CACNA1C: variants seen among roughly 807,000 people sequenced by gnomAD.
The protein encoded by CACNA1C is calcium voltage-gated channel subunit alpha1 C.
CACNA1C carries 30 observed loss-of-function variants against 229.0 expected under a neutral mutation model. That is an observed-to-expected ratio of 0.13 (90% CI 0.10 to 0.18). CACNA1C has a LOEUF of 0.18. Ranked by LOEUF, CACNA1C falls within the 10% of genes least tolerant of loss-of-function variation. The pLI is 1.00. For missense variants in CACNA1C, 1,658 were observed against 2,845.0 expected (o/e 0.58, Z 9.49); for synonymous variants, 1,114 against 1,132.5 (o/e 0.98, Z 0.33).
At chr12:2,538,440 TTCTTTTTCTCTTC>T (rs1177722405) in intron 9 of CACNA1C, among the ~76,000 whole-genome samples, 1 of 152,140 alleles carries the variant, frequency 6.6e-6, no homozygotes, top group Non-Finnish European at 1.5e-5. Flanking sequence ...GGAACTGTGT[TTCTTTTTCTCTTC>T]TCTTTTTCTC....
intron 3 of CACNA1C, among the ~76,000 whole-genome samples, chr12:2,234,486 C>T (rs921287942): frequency 5.9e-5 from 9 of 152,246 alleles, no homozygotes; most frequent in South Asian, 4.2e-4. Context: ...AGCATCTGTT[C>T]GTCAGGTGTG....
chr12:2,171,242 C>A (rs965637976), intron 3 of CACNA1C, among the ~76,000 whole-genome samples: 1 of 152,200 alleles, frequency 6.6e-6, no homozygotes, highest in Non-Finnish European at 1.5e-5. Context: ...TCTGATGGAA[C>A]AGGACTTGCC....
intron 9 of CACNA1C, among the ~76,000 whole-genome samples, chr12:2,546,530 C>T (rs1340886161): frequency 1.3e-5 from 2 of 149,352 alleles, no homozygotes; most frequent in Non-Finnish European, 3.0e-5. Context: ...CACACTCTTC[C>T]GTGCAGTAGC....
Position 2,585,449 on chromosome 12 carries a change from G to A in CACNA1C, c.2413G>A (p.Glu805Lys). The change falls in exon 17 of 47, where the codon GAG becomes AAG. Residue 805 changes from glutamate to lysine, a missense_variant. By Grantham distance (56) the Glu-to-Lys change is moderately conservative (BLOSUM62 1). Around this residue, in one of 20 missense-constraint regions of CACNA1C, gnomAD observed 121 missense variants for 128.8 expected, o/e 0.94. Transcript: ENST00000399655. The surrounding 1 kb of genome is among the most constrained non-coding windows in gnomAD (Gnocchi z 4.1). ...AVGESKEEKI[E>K]LKSITADGES... ...GGGGGAATCCAAGGAGGAGAAGATT[G>A]AGCTGAAATCCATCACGGCTGACGG... 1 of 1,598,592 alleles carries A rather than the reference G, an allele frequency of 6.3e-7. No homozygotes were observed. Among genetic ancestry groups the A allele is most frequent in the Non-Finnish European group, 8.5e-7 (1 of 1,172,028 alleles).
At chr12:2,002,672 C>G (rs1190867938) in intron 1 of CACNA1C, among the ~76,000 whole-genome samples, 1 of 152,198 alleles carries the variant, frequency 6.6e-6, no homozygotes, top group East Asian at 1.9e-4. Context: ...ATTCTCCAGA[C>G]TCGAATCCCA....
intron 3 of CACNA1C, among the ~76,000 whole-genome samples, chr12:2,397,412 TC>T (rs1183254985): frequency 6.6e-6 from 1 of 152,198 alleles, no homozygotes; most frequent in Non-Finnish European, 1.5e-5. Flanking sequence ...ACAAAGTCAC[TC>T]CAGGGCAATT....
chr12:2,432,200 G>A (rs1220265342), intron 3 of CACNA1C, among the ~76,000 whole-genome samples: 1 of 152,238 alleles, frequency 6.6e-6, no homozygotes, highest in African/African-American at 2.4e-5. Flanking sequence ...ATGGGTGTCA[G>A]ACAGTTTCAG....
intron 1 of CACNA1C, among the ~76,000 whole-genome samples, chr12:2,109,151 C>G (rs986828325): frequency 7.9e-5 from 12 of 152,316 alleles, no homozygotes; most frequent in African/African-American, 2.9e-4. Flanking sequence ...TCACAGAAGG[C>G]ACCAAGGCCA....
chr12:2,503,774 A>T (rs1022832109), intron 7 of CACNA1C, among the ~76,000 whole-genome samples: 1 of 152,218 alleles, frequency 6.6e-6, no homozygotes, highest in Admixed American at 6.5e-5. Context: ...AGTTACAGTC[A>T]GTTTCCACAT....
intron 1 of CACNA1C, among the ~76,000 whole-genome samples, chr12:2,024,410 C>T (rs1432495249): frequency 1.3e-5 from 2 of 152,210 alleles, no homozygotes; most frequent in Non-Finnish European, 1.5e-5. Context: ...TTATTTCTCT[C>T]TCAAGCAATC....
At chr12:2,211,011 G>T (rs2097903457) in intron 3 of CACNA1C, among the ~76,000 whole-genome samples, 1 of 152,184 alleles carries the variant, frequency 6.6e-6, no homozygotes, top group African/African-American at 2.4e-5. Flanking sequence ...ATGCATTTTA[G>T]CAGAAAGGAA....
intron 3 of CACNA1C, among the ~76,000 whole-genome samples, chr12:2,427,465 G>T (rs898734149): frequency 1.3e-5 from 2 of 151,980 alleles, no homozygotes; most frequent in African/African-American, 4.8e-5. Flanking sequence ...TAGAGCCTGG[G>T]TGTCACTGGA....
At chr12:2,017,660 G>GT (rs35525403) in intron 1 of CACNA1C, among the ~76,000 whole-genome samples, 7,272 of 144,318 alleles carry the variant, frequency 0.05, 412 homozygotes, top group African/African-American at 0.14. Context: ...TCTTTTTTCT[G>GT]TTTTTTTTTT....
At chr12:2,082,033 G>T (rs1030875914) in intron 1 of CACNA1C, among the ~76,000 whole-genome samples, 1 of 151,868 alleles carries the variant, frequency 6.6e-6, no homozygotes, top group Non-Finnish European at 1.5e-5. Context: ...AAGAAAACAG[G>T]GGGGACAGGG....
At chr12:2,466,760 T>C (rs1420526527) in intron 5 of CACNA1C, among the ~76,000 whole-genome samples, 1 of 152,150 alleles carries the variant, frequency 6.6e-6, no homozygotes, top group Non-Finnish European at 1.5e-5. Context: ...CTCTGGACTT[T>C]GTCCTGCATC....
chr12:2,267,612 G>A (rs1012806779), intron 3 of CACNA1C, among the ~76,000 whole-genome samples: 1 of 152,194 alleles, frequency 6.6e-6, no homozygotes, highest in African/African-American at 2.4e-5. Context: ...AGAACCCGAA[G>A]CTCAGCTCCA....
intron 3 of CACNA1C, among the ~76,000 whole-genome samples, chr12:2,374,103 C>T (rs918082223): frequency 6.6e-6 from 1 of 152,208 alleles, no homozygotes; most frequent in Admixed American, 6.5e-5. Context: ...CACCCTCTTC[C>T]GCCCCACAAC....
intron 3 of CACNA1C, among the ~76,000 whole-genome samples, chr12:2,150,039 G>C (rs975226893): frequency 9.2e-5 from 14 of 152,202 alleles, no homozygotes; most frequent in African/African-American, 3.4e-4. Context: ...ACCCAGCATG[G>C]AGACTGGGTA....
At chr12:2,105,767 G>T (rs866385166) in intron 1 of CACNA1C, among the ~76,000 whole-genome samples, 5 of 116,694 alleles carry the variant, frequency 4.3e-5, no homozygotes, top group African/African-American at 1.5e-4. Flanking sequence ...CCTCAGCTGG[G>T]CGTCCTGAAG....
Sources: allele counts gnomAD v4.1 joint callset (sites outside exome capture counted in the v4.1 genomes callset), GRCh38; gene constraint gnomAD v4.1.1; regional missense constraint gnomAD v4.1.1; non-coding constraint Gnocchi (gnomAD v3.1); transcripts MANE v1.5; gene names NCBI Gene and HGNC (gene_info 2026-07-23, HGNC 2026-07-21).